ZC3H12B: variants seen among roughly 807,000 people sequenced by gnomAD.
ZC3H12B encodes zinc finger CCCH-type containing 12B, also known as probable ribonuclease ZC3H12B.
A neutral mutation model predicts 43.9 loss-of-function variants in ZC3H12B; 7 were observed. The ratio of observed to expected loss-of-function variants is 0.16; its 90% confidence interval spans 0.09 to 0.30. The LOEUF is 0.30. Among genes scored for constraint, ZC3H12B ranks in the 10% least tolerant of loss-of-function variants. The pLI is 1.00. For synonymous variants in ZC3H12B, 222 were observed against 241.7 expected (o/e 0.92, Z 0.76); for missense variants, 475 against 670.2 (o/e 0.71, Z 3.22).
intron 3 of ZC3H12B, chrX:65,408,680 G>C: frequency 1.1e-6 from 1 of 949,317 alleles, no homozygotes; most frequent in Non-Finnish European, 1.5e-6. Flanking sequence ...CGGCAAGCCA[G>C]ATTAGGACTT....
chrX:65,418,383 T>C (rs2066983751), intron 3 of ZC3H12B, among the ~76,000 whole-genome samples: 1 of 112,051 alleles, frequency 8.9e-6, no homozygotes. Flanking sequence ...ATTGTACTCC[T>C]ATGCACTTTA....
the ZC3H12B span, among the ~76,000 whole-genome samples, chrX:65,268,111 G>A: frequency 9.0e-6 from 1 of 111,099 alleles, no homozygotes. Context: ...GAAATAAAAA[G>A]GAATATAAGG....
At chrX:65,374,203 A>C (rs2066312338) in intron 2 of ZC3H12B, among the ~76,000 whole-genome samples, 1 of 83,518 alleles carries the variant, frequency 1.2e-5, no homozygotes, top group African/African-American at 4.7e-5. Context: ...AATATATATT[A>C]TATATAGTTA....
chrX:65,367,346 C>T (rs2066186557), intron 1 of ZC3H12B, among the ~76,000 whole-genome samples: 1 of 111,044 alleles, frequency 9.0e-6, no homozygotes, highest in African/African-American at 3.3e-5. Flanking sequence ...GATTTTTCCA[C>T]AGGTTGATAA....
the ZC3H12B span, among the ~76,000 whole-genome samples, chrX:65,219,987 A>G: frequency 9.0e-6 from 1 of 111,561 alleles, no homozygotes; most frequent in South Asian, 3.7e-4. Flanking sequence ...AGAAAAACCT[A>G]TAAAATTAAC....
At chrX:65,429,765 G>A (rs1002869368) in intron 3 of ZC3H12B, among the ~76,000 whole-genome samples, 1 of 112,281 alleles carries the variant, frequency 8.9e-6, no homozygotes, top group African/African-American at 3.2e-5. Context: ...CCCATTCAGT[G>A]AAGAGGAATG....
At chrX:65,241,589 C>T in the ZC3H12B span, among the ~76,000 whole-genome samples, 1 of 111,433 alleles carries the variant, frequency 9.0e-6, no homozygotes, top group Non-Finnish European at 1.9e-5. Flanking sequence ...AGTAGTCTGG[C>T]CATGATCTGG....
At chrX:65,222,608 TA>T in the ZC3H12B span, among the ~76,000 whole-genome samples, 1 of 67,165 alleles carries the variant, frequency 1.5e-5, no homozygotes, top group South Asian at 6.2e-4. Flanking sequence ...TGCAAAATAA[TA>T]ATAATAATAA....
At chrX:65,303,015 A>G in the ZC3H12B span, among the ~76,000 whole-genome samples, 1 of 112,240 alleles carries the variant, frequency 8.9e-6, no homozygotes, top group African/African-American at 3.2e-5. Context: ...TTTAAAATGG[A>G]TCACAAACCT....
chrX:65,499,291 T>C, intron 3 of ZC3H12B, 58 bp downstream of exon 8: 1 of 883,690 alleles, frequency 1.1e-6, no homozygotes, highest in Non-Finnish European at 1.6e-6. Flanking sequence ...GATTACATTT[T>C]AATAAACATT....
At chrX:65,356,732 A>G in the ZC3H12B span, among the ~76,000 whole-genome samples, 4 of 112,175 alleles carry the variant, frequency 3.6e-5, no homozygotes, top group Admixed American at 3.8e-4. Context: ...GCTTCTCAGC[A>G]TGCAGCTCAA....
chrX:65,044,523 A>G, the ZC3H12B span, among the ~76,000 whole-genome samples: 1 of 107,046 alleles, frequency 9.3e-6, no homozygotes, highest in Non-Finnish European at 1.9e-5. Flanking sequence ...TAAAGAGAGA[A>G]TATTGACTTG....
At chrX:65,460,790 T>C (rs1423814580) in intron 3 of ZC3H12B, among the ~76,000 whole-genome samples, 1 of 111,588 alleles carries the variant, frequency 9.0e-6, no homozygotes, top group Non-Finnish European at 1.9e-5. Context: ...ATTCAGGACA[T>C]AGGCATGGGC....
intron 2 of ZC3H12B, among the ~76,000 whole-genome samples, chrX:65,392,404 C>A (rs1201484273): frequency 8.9e-6 from 1 of 111,967 alleles, no homozygotes; most frequent in Non-Finnish European, 1.9e-5. Context: ...CTGAGGAGCG[C>A]CTCTGTCCAG....
rs749061980 is a variant in ZC3H12B, at chrX:65,375,427, T to C, written n.295+6429T>C. Reference sequence around the variant, plus strand: ...ATGCTAAGCAAAGAGCCAGTACACATTGGGGGAATGTGACCTGCTGAGACA... The same window carrying C: ...ATGCTAAGCAAAGAGCCAGTACACACTGGGGGAATGTGACCTGCTGAGACA... On this transcript the variant is annotated intron_variant and non_coding_transcript_variant, in intron 2 of 5. Transcript: ENST00000617377. Among the ~76,000 whole-genome samples the C allele has an allele frequency of 1.3e-3, 145 of 112,197 alleles. 1 individual carries two copies. The highest frequency in any genetic ancestry group is 4.5e-3 in the African/African-American group (139 of 30,895).
At chrX:65,159,593 G>GAT in the ZC3H12B span, among the ~76,000 whole-genome samples, 1 of 111,888 alleles carries the variant, frequency 8.9e-6, no homozygotes, top group African/African-American at 3.2e-5. Flanking sequence ...GAATGCTTGT[G>GAT]ATATATGTAC....
intron 3 of ZC3H12B, among the ~76,000 whole-genome samples, chrX:65,402,331 T>C (rs756137648): frequency 8.9e-6 from 1 of 111,910 alleles, no homozygotes; most frequent in East Asian, 2.8e-4. Flanking sequence ...CTAAGTTTTG[T>C]CACTCTATTT....
At chrX:65,192,488 TG>T in the ZC3H12B span, among the ~76,000 whole-genome samples, 1 of 111,332 alleles carries the variant, frequency 9.0e-6, no homozygotes, top group Admixed American at 9.6e-5. Context: ...TGTGGGTCAG[TG>T]GTATATGGCT....
the ZC3H12B span, among the ~76,000 whole-genome samples, chrX:65,307,840 G>C: frequency 8.9e-6 from 1 of 111,826 alleles, no homozygotes; most frequent in Non-Finnish European, 1.9e-5. Flanking sequence ...TCACCAGAAA[G>C]AAAACACATT....
Sources: allele counts gnomAD v4.1 joint callset (sites outside exome capture counted in the v4.1 genomes callset), GRCh38; gene constraint gnomAD v4.1.1; transcripts MANE v1.5; gene names NCBI Gene and HGNC (gene_info 2026-07-23, HGNC 2026-07-21).